Variants in XRN2 observed in about 807,000 individuals in gnomAD.
XRN2 encodes the protein 5'-3' exoribonuclease 2.
XRN2 carries 44 observed loss-of-function variants against 138.5 expected under a neutral mutation model. The observed-to-expected ratio is 0.32, with a 90% confidence interval of 0.25 to 0.41. XRN2 has a LOEUF of 0.41. XRN2 is among the 10% of genes least tolerant of loss of function. The pLI is 1.00. For missense variants in XRN2, 937 were observed against 1,169.3 expected, an observed-to-expected ratio of 0.80 and a Z score of 2.90; for synonymous variants, 354 against 369.4, an observed-to-expected ratio of 0.96 and a Z score of 0.48.
intron 1 of XRN2, among the ~76,000 whole-genome samples, chr20:21,319,289 C>T (rs2038005608): frequency 6.6e-6 from 1 of 152,108 alleles, no homozygotes; most frequent in African/African-American, 2.4e-5. Flanking sequence ...TCAAGTGTAT[C>T]TCCTGTAGAT....
rs1271174665 is a variant in XRN2 at position 21,318,329 on chromosome 20, G to A, written c.76-7950G>A. ...CCCTCTTTTTTCTTTCATCAGACTA[G>A]CTGAAGGTTTGTCATTTTTTGTTGA... On this transcript the variant is annotated intron_variant, in intron 1 of 29. Transcript: ENST00000377191. Among the ~76,000 whole-genome samples the A allele has an allele frequency of 1.3e-5, 2 of 152,042 alleles. 1 individual carries two copies. The highest frequency in any genetic ancestry group is 4.8e-5 in the African/African-American group (2 of 41,404).
In XRN2 at chr20:21,368,589, A is replaced by G; in HGVS notation, c.2583A>G (p.Ser861=). ...RGQAQIPKLM[S]NMRPQDSWRG... is the part of the protein sequence containing the mutation. ...AAGCCCAGATTCCAAAACTTATGTC[A>G]AGTAAGCTTTTACAAATCGGTTATT... The change falls in exon 27 of 30, where the codon TCA becomes TCG. Residue 861 remains serine, a splice_region_variant and synonymous_variant. Transcript: ENST00000377191. 1.9e-6 allele frequency: 3 copies of G among 1,611,746 alleles called. No homozygotes were observed. The highest frequency in any genetic ancestry group is 2.5e-6 in the Non-Finnish European group (3 of 1,179,290).
intron 14 of XRN2, among the ~76,000 whole-genome samples, chr20:21,339,949 A>G (rs1274786847): frequency 6.6e-6 from 1 of 152,100 alleles, no homozygotes; most frequent in Non-Finnish European, 1.5e-5. Flanking sequence ...AGAGTTATTT[A>G]TTGTTGCAGT....
chr20:21,340,773 G>C lies in XRN2; in HGVS notation c.1331G>C (p.Gly444Ala). ...PSGILTPHAL[G>A]SRNSPGSQVA... is the part of the protein sequence containing the mutation. ...GGAATATTAACTCCTCATGCCTTGG[G>C]TTCAAGAAATTCACCAGGTTCTCAA... Residue 444 changes from glycine (G) to alanine (A), a missense_variant, in exon 15 of 30, where the codon GGT becomes GCT. This residue lies in a region of XRN2 where 471 missense variants were observed against 581.2 expected (regional missense o/e 0.81). Transcript: ENST00000377191. 6.2e-7 allele frequency: 1 copy of C among 1,613,908 alleles called. No individual in the cohort carries two copies.
rs1324899510 is a variant in XRN2 at position 21,389,370 on chromosome 20, C to T, written c.*32C>T. On this transcript the variant is annotated 3_prime_UTR_variant, in exon 30 of 30. Coordinates refer to ENST00000377191, the MANE Select transcript of XRN2 (RefSeq NM_012255.5). The stretch of plus-strand genomic sequence containing the variant: ...GTAAAGCTTTCCCAAATCCTTTCAT[C>T]ATTCTACAGTTTTATGCTATTTGTG... 5.7e-6 allele frequency: 9 copies of T among 1,590,966 alleles called. No individual in the cohort carries two copies. Among genetic ancestry groups the T allele is most frequent in the Non-Finnish European group, 7.7e-6 (9 of 1,165,684 alleles).
chr20:21,323,532 C>A, intron 1 of XRN2, among the ~76,000 whole-genome samples: 1 of 152,140 alleles, frequency 6.6e-6, no homozygotes, highest in African/African-American at 2.4e-5. Context: ...GGAGTCAGTT[C>A]TTTGTTGAGC....
chr20:21,351,226 C>G (rs1199196052), intron 20 of XRN2, among the ~76,000 whole-genome samples: 1 of 152,118 alleles, frequency 6.6e-6, no homozygotes, highest in African/African-American at 2.4e-5. Flanking sequence ...AGATAATGTA[C>G]AAGAGTTCAG....
At chr20:21,332,159 G>A (rs2038220854) in intron 8 of XRN2, 124 bp from the exon 9 acceptor site, 1 of 1,203,714 alleles carries the variant, frequency 8.3e-7, no homozygotes, top group East Asian at 2.5e-5. Context: ...CAAGCTTTGG[G>A]GCTTTGCTGC....
chr20:21,351,417 A>T (rs1226833301), intron 20 of XRN2, among the ~76,000 whole-genome samples: 2 of 152,130 alleles, frequency 1.3e-5, no homozygotes, highest in Non-Finnish European at 2.9e-5. Flanking sequence ...GTCTGTTCAA[A>T]TCCTTTGCTC....
At chr20:21,320,401 G>A (rs1277615679) in intron 1 of XRN2, among the ~76,000 whole-genome samples, 2 of 151,892 alleles carry the variant, frequency 1.3e-5, no homozygotes, top group Non-Finnish European at 2.9e-5. Flanking sequence ...CCGGGTTCAC[G>A]CCATTCTCCT....
chr20:21,317,327 T>G (rs1325657035), intron 1 of XRN2, among the ~76,000 whole-genome samples: 1 of 152,034 alleles, frequency 6.6e-6, no homozygotes, highest in Non-Finnish European at 1.5e-5. Context: ...ATGAAAGTGT[T>G]GGATTTTTCG....
intron 15 of XRN2, 24 bp downstream of exon 15, chr20:21,340,876 C>T (rs2038363503): frequency 6.2e-7 from 1 of 1,613,004 alleles, no homozygotes; most frequent in Non-Finnish European, 8.5e-7. Context: ...TTTTATGTGA[C>T]ATTTAAGAGT....
intron 20 of XRN2, among the ~76,000 whole-genome samples, chr20:21,351,601 C>G (rs1298436178): frequency 1.3e-5 from 2 of 152,098 alleles, no homozygotes; most frequent in African/African-American, 4.8e-5. Flanking sequence ...TTGATGAAAT[C>G]AAGTTTATCT....
At chr20:21,369,331 T>C (rs2038737658) in intron 27 of XRN2, among the ~76,000 whole-genome samples, 1 of 152,238 alleles carries the variant, frequency 6.6e-6, no homozygotes, top group Non-Finnish European at 1.5e-5. Flanking sequence ...CACACTTAGG[T>C]TGCTTCCAAA....
chr20:21,367,987 G>T (rs2038721738), intron 26 of XRN2, among the ~76,000 whole-genome samples: 1 of 152,098 alleles, frequency 6.6e-6, no homozygotes, highest in Non-Finnish European at 1.5e-5. Context: ...CGAAATGAGA[G>T]AAATGGTTTA....
rs556112788 is a variant in XRN2, at chr20:21,374,904, T to G, written c.2584+6314T>G. The stretch of plus-strand genomic sequence containing the variant: ...AGAAGAATTCAGTGGCCAAGCCAGT[T>G]GGGCTTAGAGATTCCTTTATGAAAA... On this transcript the variant is annotated intron_variant, in intron 27 of 29. Transcript: ENST00000377191. 1.6e-4 allele frequency among the ~76,000 whole-genome samples: 24 copies of G among 151,992 alleles called. No homozygotes were observed. In the South Asian group the frequency reaches 4.8e-3, roughly 30 times the overall value.
At chr20:21,381,324 T>G (rs144423698) in intron 27 of XRN2, among the ~76,000 whole-genome samples, 1 of 152,228 alleles carries the variant, frequency 6.6e-6, no homozygotes, top group African/African-American at 2.4e-5. Flanking sequence ...TTCGCTGATA[T>G]AGACAGGCCC....
At chr20:21,375,116 A>G (rs1266119045) in intron 27 of XRN2, among the ~76,000 whole-genome samples, 1 of 149,022 alleles carries the variant, frequency 6.7e-6, no homozygotes, top group South Asian at 2.1e-4. Flanking sequence ...TAAGACTTCA[A>G]AATTAAGTGC....
intron 27 of XRN2, among the ~76,000 whole-genome samples, chr20:21,379,634 C>A (rs576801872): frequency 6.6e-6 from 1 of 152,264 alleles, no homozygotes; most frequent in East Asian, 1.9e-4. Flanking sequence ...GCACCTGGCA[C>A]ACTAGAAGTG....
Sources: gnomAD v4.1 joint callset for allele counts (sites outside exome capture counted in the v4.1 genomes callset) on GRCh38, gnomAD v4.1.1 for gene constraint, gnomAD v4.1.1 regional missense constraint, MANE v1.5 for transcripts, NCBI Gene and HGNC (gene_info 2026-07-23, HGNC 2026-07-21) for gene names.